PPP3CA: variants seen among roughly 807,000 people sequenced by gnomAD.
PPP3CA encodes CAM-PRP catalytic subunit.
A neutral mutation model predicts 66.5 loss-of-function variants in PPP3CA; 14 were observed. That is an observed-to-expected ratio of 0.21 (90% CI 0.14 to 0.33). The LOEUF is 0.33. Ranked by LOEUF, PPP3CA falls within the 10% of genes least tolerant of loss-of-function variation. The probability of loss-of-function intolerance (pLI) is 1.00; values close to 1 mark genes in which losing one functional copy is unlikely to be tolerated. For missense variants in PPP3CA, 317 were observed against 639.5 expected, an observed-to-expected ratio of 0.50 and a Z score of 5.44; for synonymous variants, 232 against 226.2, an observed-to-expected ratio of 1.03 and a Z score of -0.23.
At chr4:101,297,946 A>AT (rs1288494284) in intron 1 of PPP3CA, among the ~76,000 whole-genome samples, 1 of 152,132 alleles carries the variant, frequency 6.6e-6, no homozygotes, top group African/African-American at 2.4e-5. Context: ...GTGAGGGCAC[A>AT]TTATTGATGC....
rs76622235 is a variant in PPP3CA at position 101,074,689 on chromosome 4, G to A, written c.955+5843C>T. Among the ~76,000 whole-genome samples the A allele has an allele frequency of 3.8e-3, 582 of 152,212 alleles. 2 individuals are homozygous for A. The highest frequency in any genetic ancestry group is 7.9e-3 in the Admixed American group (120 of 15,280). On this transcript the variant is annotated intron_variant, in intron 8 of 13. Transcript: ENST00000394854. The stretch of plus-strand genomic sequence containing the variant: ...TAAATGGTATCTTCTTGAAGCCTAT[G>A]ACTCCTTTTTGATTGGAAAATATAT...
intron 8 of PPP3CA, among the ~76,000 whole-genome samples, chr4:101,065,016 T>C (rs1728623563): frequency 6.6e-6 from 1 of 151,962 alleles, no homozygotes; most frequent in South Asian, 2.1e-4. Context: ...GGACAAGAAA[T>C]GTAGATAGTG....
chr4:101,047,511 A>C (rs2110215399), intron 10 of PPP3CA, among the ~76,000 whole-genome samples: 1 of 152,296 alleles, frequency 6.6e-6, no homozygotes, highest in African/African-American at 2.4e-5. Flanking sequence ...AAAGTCCGTG[A>C]ATAAAATCCT....
chr4:101,281,430 T>C (rs940159027), intron 1 of PPP3CA, among the ~76,000 whole-genome samples: 2 of 152,328 alleles, frequency 1.3e-5, no homozygotes, highest in East Asian at 1.9e-4. Flanking sequence ...CCTGGGGCAA[T>C]GCTCTTAAAT....
At chr4:101,090,348 G>A (rs1043885502) in intron 6 of PPP3CA, among the ~76,000 whole-genome samples, 2 of 152,080 alleles carry the variant, frequency 1.3e-5, no homozygotes, top group African/African-American at 4.8e-5. Context: ...TATTAAGAAT[G>A]TTTAATGAGG....
chr4:101,239,889 G>A (rs557519101), intron 1 of PPP3CA, among the ~76,000 whole-genome samples: 1 of 152,088 alleles, frequency 6.6e-6, no homozygotes, highest in South Asian at 2.1e-4. Context: ...CAGTTAAAAT[G>A]TAGTGCACCA....
intron 8 of PPP3CA, among the ~76,000 whole-genome samples, chr4:101,079,627 TCTCTTAATCTCAGAAAGCCACA>T (rs1729350186): frequency 6.6e-6 from 1 of 152,142 alleles, no homozygotes; most frequent in African/African-American, 2.4e-5. Context: ...GTGATCCATT[TCTCTTAATCTCAGAAAGCCACA>T]CTCGGACATG....
chr4:101,241,781 C>T (rs915332207), intron 1 of PPP3CA, among the ~76,000 whole-genome samples: 7 of 152,058 alleles, frequency 4.6e-5, no homozygotes, highest in Non-Finnish European at 7.4e-5. Flanking sequence ...CACACAGTCT[C>T]AACTCAAAGC....
intron 1 of PPP3CA, among the ~76,000 whole-genome samples, chr4:101,345,889 T>G (rs1026016807): frequency 7.2e-5 from 11 of 152,336 alleles, no homozygotes; most frequent in African/African-American, 2.6e-4. Context: ...AATGAGGTTA[T>G]CACTTGGGAG....
Position 101,032,274 on chromosome 4 carries a change from C to A in PPP3CA, c.1332G>T (p.Leu444=). 2 of 1,601,596 alleles carry A rather than the reference C, an allele frequency of 1.2e-6. No homozygotes were observed. The highest frequency in any genetic ancestry group is 1.7e-6 in the Non-Finnish European group (2 of 1,174,664). The change falls in exon 12 of 14, where the codon CTG becomes CTT. Residue 444 remains leucine, a synonymous_variant. Coordinates refer to ENST00000394854, the MANE Select transcript of PPP3CA (RefSeq NM_000944.5). ...SGVLSGGKQT[L]QSATVEAIEA... is the part of the protein sequence containing the mutation. ...ACCCATCAGCCTGCTTACCGCTTTGCAGGGTTTGCTTCCCTCCAGAAAGTA... is the reference window on the plus strand; with the variant it reads ...ACCCATCAGCCTGCTTACCGCTTTGAAGGGTTTGCTTCCCTCCAGAAAGTA...
intron 1 of PPP3CA, among the ~76,000 whole-genome samples, chr4:101,228,761 C>T (rs942185529): frequency 7.9e-5 from 12 of 151,602 alleles, no homozygotes; most frequent in Non-Finnish European, 1.5e-4. Context: ...CTATCCCCCT[C>T]TTCTTAATTA....
chr4:101,058,257 G>A (rs1426090337), intron 10 of PPP3CA, among the ~76,000 whole-genome samples: 1 of 152,060 alleles, frequency 6.6e-6, no homozygotes, highest in Non-Finnish European at 1.5e-5. Context: ...TGTAAATTTT[G>A]CTTAAAATTT....
rs1262068328 is a variant in PPP3CA, at chr4:101,025,524, A to G, written c.*341T>C. ...AGAATAAAAGGCCTTTCATTAACCTATCTAGAAGTCCCCAATGCAGTAGGA... is the reference window on the plus strand; with the variant it reads ...AGAATAAAAGGCCTTTCATTAACCTGTCTAGAAGTCCCCAATGCAGTAGGA... On this transcript the variant is annotated 3_prime_UTR_variant, in exon 14 of 14. Coordinates refer to ENST00000394854, the MANE Select transcript of PPP3CA (RefSeq NM_000944.5). 4 of 176,084 alleles carry G rather than the reference A, an allele frequency of 2.3e-5. No individual in the cohort carries two copies. Among genetic ancestry groups the G allele is most frequent in the African/African-American group, 7.1e-5 (3 of 42,228 alleles). 10.9% of individuals were successfully genotyped at this position (176,084 alleles called of 1,614,324 possible). A position where few individuals can be genotyped will look rare whatever the true frequency, so the allele number is the denominator to read the frequency against.
rs1578384154 is a variant in PPP3CA, at chr4:101,027,560, T to C, written c.1370-1499A>G. On this transcript the variant is annotated intron_variant, in intron 13 of 13. Coordinates refer to ENST00000394854, the MANE Select transcript of PPP3CA (RefSeq NM_000944.5). The stretch of plus-strand genomic sequence containing the variant: ...TAAATTGCAAAATAATAGAGCTGTC[T>C]AATGAGCACCCACCCTGAAAACTAA... Among the ~76,000 whole-genome samples the C allele has an allele frequency of 2.6e-5, 4 of 152,194 alleles. No individual in the cohort carries two copies. The East Asian group carries it at 7.7e-4, about 29-fold the overall frequency.
intron 2 of PPP3CA, among the ~76,000 whole-genome samples, chr4:101,124,713 GAAAGAAAGAAAGAGAAAGAAAGAAAGAA>G (rs1722158984): frequency 1.9e-3 from 171 of 89,314 alleles, no homozygotes; most frequent in Non-Finnish European, 2.5e-3. Context: ...AAGAAAGAAA[GAAAGAAAGAAAGAGAAAGAAAGAAAGAA>G]AGAAAGAAAG....
At chr4:101,297,008 A>C (rs1728219328) in intron 1 of PPP3CA, among the ~76,000 whole-genome samples, 1 of 152,232 alleles carries the variant, frequency 6.6e-6, no homozygotes, top group Non-Finnish European at 1.5e-5. Flanking sequence ...TAATATATGC[A>C]CAATTGAGTA....
chr4:101,320,872 C>T (rs1223027825), intron 1 of PPP3CA, among the ~76,000 whole-genome samples: 1 of 151,938 alleles, frequency 6.6e-6, no homozygotes, highest in Non-Finnish European at 1.5e-5. Context: ...GTGAAAAGAT[C>T]TCAGGTATTA....
At chr4:101,105,814 A>T (rs185348483) in intron 3 of PPP3CA, among the ~76,000 whole-genome samples, 1 of 152,164 alleles carries the variant, frequency 6.6e-6, no homozygotes, top group Non-Finnish European at 1.5e-5. Flanking sequence ...ATAAAAAAAA[A>T]TTTCCAACGC....
chr4:101,178,804 C>A (rs1298563596), intron 2 of PPP3CA, among the ~76,000 whole-genome samples: 1 of 152,080 alleles, frequency 6.6e-6, no homozygotes, highest in Non-Finnish European at 1.5e-5. Flanking sequence ...GGTAAGTGTT[C>A]TTCACACAGC....
Sources: gnomAD v4.1 joint callset for allele counts (sites outside exome capture counted in the v4.1 genomes callset) on GRCh38, gnomAD v4.1.1 for gene constraint, MANE v1.5 for transcripts, NCBI Gene and HGNC (gene_info 2026-07-23, HGNC 2026-07-21) for gene names.